The following EPB41L4A variants were observed in gnomAD, a reference collection of about 807,000 sequenced individuals.
EPB41L4A encodes erythrocyte membrane protein band 4.1 like 4A, also known as band 4.1-like protein 4A.
A neutral mutation model predicts 108.6 loss-of-function variants in EPB41L4A; 100 were observed. The observed-to-expected ratio is 0.92, with a 90% CI of 0.78 to 1.09. The LOEUF (loss-of-function observed/expected upper bound fraction) is 1.09. Among genes scored for constraint, EPB41L4A ranks in the 50% least tolerant of loss-of-function variants. The probability of loss-of-function intolerance (pLI) is 0.00; values close to 1 mark genes in which losing one functional copy is unlikely to be tolerated. For missense variants in EPB41L4A, 1,030 were observed against 842.7 expected (o/e 1.22, Z -2.75); for synonymous variants, 319 against 289.0 (o/e 1.10, Z -1.05).
At chr5:112,177,932 C>A (rs1297718953) in intron 18 of EPB41L4A, among the ~76,000 whole-genome samples, 1 of 151,062 alleles carries the variant, frequency 6.6e-6, no homozygotes, top group African/African-American at 2.4e-5. Flanking sequence ...GCGTAATAAA[C>A]CAGAAAAAAG....
exon 13 of EPB41L4A, chr5:112,145,942 G>T: frequency 2.2e-6 from 1 of 456,694 alleles, no homozygotes; most frequent in Non-Finnish European, 4.4e-6. Context: ...GAAGTGCCTT[G>T]TTCAAACTCA....
chr5:112,169,843 C>A (rs1193829595), intron 20 of EPB41L4A, among the ~76,000 whole-genome samples: 2 of 152,142 alleles, frequency 1.3e-5, no homozygotes, highest in African/African-American at 4.8e-5. Context: ...AGGCAGAAAA[C>A]ACAGTCAACA....
intron 3 of EPB41L4A, 27 bp downstream of exon 3, chr5:112,280,245 T>A: frequency 6.2e-7 from 1 of 1,607,982 alleles, no homozygotes; most frequent in Non-Finnish European, 8.5e-7. Flanking sequence ...AAGCCACCCT[T>A]TAACAAAGTA....
intron 1 of EPB41L4A, among the ~76,000 whole-genome samples, chr5:112,372,833 T>C (rs918074827): frequency 3.3e-5 from 5 of 151,950 alleles, no homozygotes; most frequent in East Asian, 1.9e-4. Context: ...AGATAGGAGA[T>C]TGTTACAGCA....
chr5:112,157,726 T>C (rs1759700266), downstream of EPB41L4A, among the ~76,000 whole-genome samples: 2 of 152,212 alleles, frequency 1.3e-5, no homozygotes, highest in Admixed American at 1.3e-4. Context: ...AGGTTCCTAA[T>C]ATTAATCACA....
chr5:112,267,560 G>A (rs1751950357), intron 4 of EPB41L4A, among the ~76,000 whole-genome samples: 1 of 152,060 alleles, frequency 6.6e-6, no homozygotes, highest in Non-Finnish European at 1.5e-5. Context: ...ATAAACCTGG[G>A]AACAACGTGT....
chr5:112,330,200 T>C (rs761852787), intron 1 of EPB41L4A, among the ~76,000 whole-genome samples: 17 of 151,860 alleles, frequency 1.1e-4, no homozygotes, highest in Middle Eastern at 3.2e-3. Context: ...CACACTCCCT[T>C]TTTCCTGTAG....
chr5:112,349,295 C>G (rs781698735), intron 1 of EPB41L4A, among the ~76,000 whole-genome samples: 1 of 152,080 alleles, frequency 6.6e-6, no homozygotes, highest in Non-Finnish European at 1.5e-5. Context: ...GCAAAGTCCC[C>G]TGGTACAGGA....
In EPB41L4A at chr5:112,267,442, C is replaced by T. The variant is rs528968410; in HGVS notation, c.336-1112G>A. On this transcript the variant is annotated intron_variant, in intron 4 of 22. Coordinates refer to ENST00000261486, the MANE Select transcript of EPB41L4A (RefSeq NM_022140.5). ...TTGATTATTTCAGGAAGATTGGCAT[C>T]AACTTTTATTGCAACCATATGTTTC... Among the ~76,000 whole-genome samples, 3 of 152,312 alleles carry T rather than the reference C, an allele frequency of 2.0e-5. No individual in the cohort carries two copies. The East Asian group carries it at 5.8e-4, about 29-fold the overall frequency.
chr5:112,195,543 T>C, intron 16 of EPB41L4A, 118 bp downstream of exon 16: 5 of 837,534 alleles, frequency 6.0e-6, no homozygotes, highest in Non-Finnish European at 9.6e-6. Context: ...ACAAACTGGC[T>C]TTTGAAAGTA....
chr5:112,366,805 T>C (rs1055717820), intron 1 of EPB41L4A, among the ~76,000 whole-genome samples: 1 of 152,174 alleles, frequency 6.6e-6, no homozygotes, highest in Non-Finnish European at 1.5e-5. Context: ...GCCAAACCTG[T>C]ACCTTCAGCT....
Position 112,164,154 on chromosome 5 carries a change from A to G in EPB41L4A, c.*836T>C, listed in dbSNP as rs1472152071. 3 of 152,258 alleles carry G rather than the reference A, an allele frequency of 2.0e-5. No homozygotes were observed. Among genetic ancestry groups the G allele is most frequent in the African/African-American group, 7.2e-5 (3 of 41,476 alleles). The allele number at this position is 152,258 out of a possible 1,614,324, so 9.4% of individuals were successfully genotyped here. A position where few individuals can be genotyped will look rare whatever the true frequency, so the allele number is the denominator to read the frequency against. On this transcript the variant is annotated 3_prime_UTR_variant, in exon 23 of 23. Transcript: ENST00000261486. ...CTTACACTTCTGAAAACGCAAGAAC[A>G]CTTTAGAAATTAACAACACTTAAAG...
At chr5:112,159,746 C>T (rs1381842681), downstream of EPB41L4A, among the ~76,000 whole-genome samples, 1 of 152,008 alleles carries the variant, frequency 6.6e-6, no homozygotes, top group South Asian at 2.1e-4. Flanking sequence ...CTAGTCTGAA[C>T]GGAAATGTGC....
At chr5:112,206,661 A>G (rs545590309) in intron 13 of EPB41L4A, among the ~76,000 whole-genome samples, 34 of 152,334 alleles carry the variant, frequency 2.2e-4, no homozygotes, top group African/African-American at 7.9e-4. Context: ...TGGAAAAGAA[A>G]TAGGGAGATA....
chr5:112,296,242 A>G (rs1753977190), intron 2 of EPB41L4A, among the ~76,000 whole-genome samples: 1 of 152,210 alleles, frequency 6.6e-6, no homozygotes, highest in African/African-American at 2.4e-5. Flanking sequence ...AAATTTTTCT[A>G]AATCCCTTCT....
intron 2 of EPB41L4A, among the ~76,000 whole-genome samples, chr5:112,288,555 T>C (rs1329349237): frequency 6.6e-6 from 1 of 152,162 alleles, no homozygotes; most frequent in Non-Finnish European, 1.5e-5. Context: ...TAGGACCAAG[T>C]CCTAATCAGA....
intron 9 of EPB41L4A, among the ~76,000 whole-genome samples, chr5:112,258,655 A>AT (rs1484065575): frequency 6.6e-6 from 1 of 152,206 alleles, no homozygotes; most frequent in African/African-American, 2.4e-5. Flanking sequence ...TCAAGGCATG[A>AT]AAGCACATCC....
In EPB41L4A at chr5:112,181,998, G is replaced by A. The variant is rs146317435; in HGVS notation, c.1622+2018C>T. ...TGAGGCAGGAGAATGGCTTGAACCC[G>A]GGAGGCAGAGGTTGCAGTGAGCCAG... is the stretch of plus-strand genomic sequence containing the variant. On this transcript the variant is annotated intron_variant, in intron 18 of 22. Transcript: ENST00000261486. Among the ~76,000 whole-genome samples the A allele has an allele frequency of 8.0e-3, 1,212 of 152,040 alleles. 3 individuals carry two copies. The highest frequency in any genetic ancestry group is 0.017 in the Middle Eastern group (5 of 294).
chr5:112,237,266 A>T (rs1261709432), intron 11 of EPB41L4A, among the ~76,000 whole-genome samples: 2 of 152,196 alleles, frequency 1.3e-5, no homozygotes, highest in Non-Finnish European at 2.9e-5. Context: ...GGAACATCAG[A>T]TTTCAGCTCA....
Sources: gnomAD v4.1 joint callset for allele counts (sites outside exome capture counted in the v4.1 genomes callset) on GRCh38, gnomAD v4.1.1 for gene constraint, MANE v1.5 for transcripts, NCBI Gene and HGNC (gene_info 2026-07-23, HGNC 2026-07-21) for gene names.